Variants in CELF4 observed in about 807,000 individuals in gnomAD.
CELF4 encodes CUGBP Elav-like family member 4, also known as CUG-BP- and ETR-3-like factor 4.
CELF4 carries 18 observed loss-of-function variants against 59.9 expected under a neutral mutation model. The observed-to-expected ratio is 0.30, with a 90% CI of 0.21 to 0.45. The LOEUF (loss-of-function observed/expected upper bound fraction) is 0.45. CELF4 is among the 20% of genes least tolerant of loss of function. The pLI is 1.00. For missense variants in CELF4, 456 were observed against 689.0 expected, an observed-to-expected ratio of 0.66 and a Z score of 3.79; for synonymous variants, 261 against 267.1, an observed-to-expected ratio of 0.98 and a Z score of 0.22.
intron 2 of CELF4, among the ~76,000 whole-genome samples, chr18:37,360,150 G>A (rs1034118733): frequency 1.3e-5 from 2 of 152,200 alleles, no homozygotes; most frequent in African/African-American, 4.8e-5. Context: ...ACCATGCCGG[G>A]CATTTGTTGC....
intron 2 of CELF4, among the ~76,000 whole-genome samples, chr18:37,445,374 G>A (rs968046964): frequency 7.9e-5 from 12 of 152,012 alleles, no homozygotes; most frequent in African/African-American, 2.4e-4. Context: ...TCGGTAGGCT[G>A]AGTCCCTGAG....
chr18:37,328,662 G>A (rs910255473), intron 2 of CELF4, among the ~76,000 whole-genome samples: 51 of 152,282 alleles, frequency 3.3e-4, no homozygotes, highest in African/African-American at 1.1e-3. Context: ...ACTTGTGGAC[G>A]CGCTTGTGTG....
chr18:37,445,378 C>T (rs945921535), intron 2 of CELF4, among the ~76,000 whole-genome samples: 1 of 151,788 alleles, frequency 6.6e-6, no homozygotes, highest in African/African-American at 2.4e-5. Context: ...TAGGCTGAGT[C>T]CCTGAGTTGG....
chr18:37,466,255 G>A (rs2099808461), intron 2 of CELF4, among the ~76,000 whole-genome samples: 1 of 152,254 alleles, frequency 6.6e-6, no homozygotes, highest in South Asian at 2.1e-4. Flanking sequence ...CGAAGGAAGT[G>A]GAAGAGGAGG....
intron 3 of CELF4, among the ~76,000 whole-genome samples, chr18:37,296,645 G>A (rs1441604611): frequency 6.6e-6 from 1 of 152,114 alleles, no homozygotes; most frequent in Non-Finnish European, 1.5e-5. Flanking sequence ...GGGACTTGTG[G>A]GCATCCTGGT....
Position 37,259,280 on chromosome 18 carries a change from G to A in CELF4, c.1250-16C>T. 4 of 971,630 alleles carry A rather than the reference G, an allele frequency of 4.1e-6. No homozygotes were observed. Among genetic ancestry groups the A allele is most frequent in the Admixed American group, 1.9e-5 (1 of 53,728 alleles). The allele number at this position is 971,630 out of a possible 1,614,324, so 60.2% of individuals were successfully genotyped here. The stretch of plus-strand genomic sequence containing the variant: ...CCCTCGGGCCCTGCGGTGAGGGGAG[G>A]GGGTGGGCGGGGGAGGAGGGATGGC... On this transcript the variant is annotated splice_polypyrimidine_tract_variant and intron_variant, in intron 10 of 12. Coordinates refer to ENST00000420428, the MANE Select transcript of CELF4 (RefSeq NM_020180.4).
intron 2 of CELF4, among the ~76,000 whole-genome samples, chr18:37,443,072 G>C (rs2099737481): frequency 1.3e-5 from 2 of 152,138 alleles, no homozygotes; most frequent in African/African-American, 4.8e-5. Flanking sequence ...CGTAGCTTTT[G>C]TCTTCCCAAA....
intron 1 of CELF4, among the ~76,000 whole-genome samples, chr18:37,541,047 C>A (rs987857468): frequency 6.6e-6 from 1 of 152,056 alleles, no homozygotes; most frequent in African/African-American, 2.4e-5. Flanking sequence ...GATGCTCAGT[C>A]CACACTGAGG....
At chr18:37,549,008 G>A (rs924025349) in intron 1 of CELF4, among the ~76,000 whole-genome samples, 1 of 152,180 alleles carries the variant, frequency 6.6e-6, no homozygotes, top group Non-Finnish European at 1.5e-5. Flanking sequence ...CCGAACAGAT[G>A]CGTGGAAACA....
intron 2 of CELF4, among the ~76,000 whole-genome samples, chr18:37,326,960 G>A (rs2097338994): frequency 6.6e-6 from 1 of 152,152 alleles, no homozygotes; most frequent in Non-Finnish European, 1.5e-5. Context: ...TATGAAAACT[G>A]GGCATTAAAA....
At chr18:37,555,392 G>A (rs1016251017) in intron 1 of CELF4, among the ~76,000 whole-genome samples, 10 of 152,204 alleles carry the variant, frequency 6.6e-5, no homozygotes, top group Middle Eastern at 3.4e-3. Context: ...TGTTCTCACC[G>A]GTCACTCAGG....
At chr18:37,432,494 C>T (rs952586534) in intron 2 of CELF4, among the ~76,000 whole-genome samples, 26 of 152,344 alleles carry the variant, frequency 1.7e-4, no homozygotes, top group African/African-American at 5.8e-4. Flanking sequence ...ACAACAAAGA[C>T]AATGAACGCT....
At chr18:37,465,345 A>G (rs1039463803) in intron 2 of CELF4, among the ~76,000 whole-genome samples, 1 of 152,156 alleles carries the variant, frequency 6.6e-6, no homozygotes, top group Non-Finnish European at 1.5e-5. Context: ...CCCTGGCACA[A>G]ACAGAATGTC....
At chr18:37,363,456 T>C (rs2098736183) in intron 2 of CELF4, among the ~76,000 whole-genome samples, 1 of 152,186 alleles carries the variant, frequency 6.6e-6, no homozygotes, top group African/African-American at 2.4e-5. Flanking sequence ...ACTCTTACTT[T>C]AGGCAGAATT....
At chr18:37,380,132 G>A (rs1040515933) in intron 2 of CELF4, among the ~76,000 whole-genome samples, 3 of 152,148 alleles carry the variant, frequency 2.0e-5, no homozygotes, top group Non-Finnish European at 4.4e-5. Context: ...ACTGGTGCCA[G>A]GCTGGCACTC....
At chr18:37,477,054 G>A (rs899534372) in intron 2 of CELF4, among the ~76,000 whole-genome samples, 2 of 152,234 alleles carry the variant, frequency 1.3e-5, no homozygotes, top group Non-Finnish European at 2.9e-5. Context: ...AATAGGAGAT[G>A]CCAGAATGAT....
At chr18:37,434,025 C>T (rs2099680305) in intron 2 of CELF4, among the ~76,000 whole-genome samples, 1 of 152,186 alleles carries the variant, frequency 6.6e-6, no homozygotes, top group Non-Finnish European at 1.5e-5. Context: ...CTCCCTACAC[C>T]TAAGGCCCTA....
chr18:37,511,058 C>T (rs1238387667), intron 1 of CELF4, among the ~76,000 whole-genome samples: 2 of 152,208 alleles, frequency 1.3e-5, no homozygotes, highest in African/African-American at 2.4e-5. Flanking sequence ...TCCCCCATCC[C>T]CCAGCGGTGC....
chr18:37,275,079 C>T (rs1425096759), intron 4 of CELF4, 36 bp downstream of exon 4: 2 of 1,607,622 alleles, frequency 1.2e-6, no homozygotes, highest in East Asian at 4.5e-5. Flanking sequence ...CTCGCCCCTC[C>T]CTCCGGGGCA....
Sources: gnomAD v4.1 joint callset for allele counts (sites outside exome capture counted in the v4.1 genomes callset) on GRCh38, gnomAD v4.1.1 for gene constraint, MANE v1.5 for transcripts, NCBI Gene and HGNC (gene_info 2026-07-23, HGNC 2026-07-21) for gene names.